The following CNTN1 variants were observed in gnomAD, a reference collection of about 807,000 sequenced individuals.
CNTN1 encodes the protein contactin 1, also known as contactin-1.
A neutral mutation model predicts 126.4 loss-of-function variants in CNTN1; 38 were observed. The observed-to-expected ratio is 0.30, with a 90% CI of 0.23 to 0.39. The LOEUF (loss-of-function observed/expected upper bound fraction) is 0.39, where lower values mean the gene tolerates loss of function less well. Among genes scored for constraint, CNTN1 ranks in the 10% least tolerant of loss-of-function variants. The probability of loss-of-function intolerance (pLI) is 1.00; values close to 1 mark genes in which losing one functional copy is unlikely to be tolerated. For synonymous variants in CNTN1, 413 were observed against 422.6 expected (o/e 0.98, Z 0.28); for missense variants, 1,009 against 1,248.4 (o/e 0.81, Z 2.89).
At chr12:40,885,504 G>A (rs1181000482) in intron 1 of CNTN1, among the ~76,000 whole-genome samples, 3 of 151,924 alleles carry the variant, frequency 2.0e-5, no homozygotes, top group Non-Finnish European at 2.9e-5. Flanking sequence ...ATCCCAACAT[G>A]CCTACTAGTT....
intron 1 of CNTN1, among the ~76,000 whole-genome samples, chr12:40,828,561 A>T (rs1398098202): frequency 6.6e-6 from 1 of 152,130 alleles, no homozygotes; most frequent in Non-Finnish European, 1.5e-5. Context: ...CAAACTGGGG[A>T]GGGGCAGCAG....
At position 40,975,229 on chromosome 12, in the gene CNTN1, A is replaced by G. The variant is rs140161954; in HGVS notation, c.1805-5680A>G. Among the ~76,000 whole-genome samples, 270 of 128,560 alleles carry G rather than the reference A, an allele frequency of 2.1e-3. 1 individual carries two copies. Among genetic ancestry groups the G allele is most frequent in the African/African-American group, 7.3e-3 (255 of 34,852 alleles). The allele number at this position is 128,560 out of a possible 152,430, so 84.3% of individuals were successfully genotyped here. A position where few individuals can be genotyped will look rare whatever the true frequency, so the allele number is the denominator to read the frequency against. ...ATATATATATATATATATATGTTTTAGTGGACTCTTAAATGTATGTGATCT... is the reference window on the plus strand; with the variant it reads ...ATATATATATATATATATATGTTTTGGTGGACTCTTAAATGTATGTGATCT... On this transcript the variant is annotated intron_variant, in intron 15 of 23. Coordinates refer to ENST00000551295, the MANE Select transcript of CNTN1 (RefSeq NM_001843.4).
chr12:40,936,684 G>A, intron 9 of CNTN1, 97 bp from the exon 10 acceptor site: 1 of 1,468,476 alleles, frequency 6.8e-7, no homozygotes, highest in Admixed American at 1.7e-5. Flanking sequence ...GATGTATTCT[G>A]CAGAATTAGG....
At chr12:40,757,438 G>A (rs531593699) in intron 1 of CNTN1, among the ~76,000 whole-genome samples, 31 of 152,054 alleles carry the variant, frequency 2.0e-4, no homozygotes, top group Non-Finnish European at 4.0e-4. Context: ...CTTTCCTCAA[G>A]AAACATGAAT....
At chr12:40,734,414 T>TA (rs1325132374) in intron 1 of CNTN1, among the ~76,000 whole-genome samples, 2 of 152,206 alleles carry the variant, frequency 1.3e-5, no homozygotes, top group East Asian at 3.9e-4. Flanking sequence ...TCCTAGGGTT[T>TA]ACCACATAAA....
At chr12:41,035,358 G>A (rs958552686) in intron 23 of CNTN1, among the ~76,000 whole-genome samples, 13 of 151,958 alleles carry the variant, frequency 8.6e-5, no homozygotes, top group Admixed American at 4.6e-4. Context: ...TTTTTTCTAC[G>A]ATAAAATAAA....
intron 15 of CNTN1, among the ~76,000 whole-genome samples, chr12:40,959,454 C>A (rs1407081941): frequency 2.6e-5 from 4 of 152,036 alleles, no homozygotes; most frequent in African/African-American, 9.7e-5. Flanking sequence ...TACGTATCTT[C>A]TAGAAAGTTA....
intron 16 of CNTN1, among the ~76,000 whole-genome samples, chr12:40,984,112 T>G (rs278920): frequency 0.49 from 72,892 of 149,994 alleles, 17,734 homozygotes; most frequent in Admixed American, 0.51. Flanking sequence ...CAGTGAAATA[T>G]ATATAAATAT....
chr12:40,982,968 C>A (rs1356076380), intron 16 of CNTN1, among the ~76,000 whole-genome samples: 3 of 151,248 alleles, frequency 2.0e-5, no homozygotes, highest in African/African-American at 4.9e-5. Flanking sequence ...GGGAGGATAG[C>A]ATTAGGAGAT....
At chr12:40,800,376 G>T (rs1192083703) in intron 1 of CNTN1, among the ~76,000 whole-genome samples, 4 of 151,930 alleles carry the variant, frequency 2.6e-5, no homozygotes, top group African/African-American at 7.3e-5. Context: ...CCAGTCTTGG[G>T]TATTTCTTCG....
At chr12:40,766,547 G>A (rs1939104773) in intron 1 of CNTN1, among the ~76,000 whole-genome samples, 2 of 151,958 alleles carry the variant, frequency 1.3e-5, no homozygotes, top group East Asian at 1.9e-4. Flanking sequence ...AGGTGTTACT[G>A]GCCTTTAAAA....
chr12:40,815,804 A>C (rs2136515011), intron 1 of CNTN1, among the ~76,000 whole-genome samples: 1 of 152,276 alleles, frequency 6.6e-6, no homozygotes, highest in African/African-American at 2.4e-5. Context: ...AATAGCTCTA[A>C]TTATTTTGAG....
chr12:41,025,345 C>T lies in CNTN1; in HGVS notation c.2710+9C>T, dbSNP rs771316659. 4.3e-6 allele frequency: 7 copies of T among 1,612,770 alleles called. No homozygotes were observed. Among genetic ancestry groups the T allele is most frequent in the South Asian group, 1.1e-5 (1 of 91,030 alleles). On this transcript the variant is annotated intron_variant, in intron 21 of 23. Transcript: ENST00000551295. The stretch of plus-strand genomic sequence containing the variant: ...TTTCACCAAGAAAGCACGTGAGTCT[C>T]ACGTTTTGTTTTTAGACTTGTCAAA...
intron 1 of CNTN1, among the ~76,000 whole-genome samples, chr12:40,789,892 C>T (rs969251471): frequency 6.6e-6 from 1 of 151,944 alleles, no homozygotes; most frequent in African/African-American, 2.4e-5. Context: ...TGTATATTTC[C>T]TTGGAAAATA....
chr12:40,844,069 A>ATTTTTTGTTTTTTTT (rs1942397719), intron 1 of CNTN1, among the ~76,000 whole-genome samples: 2 of 84,684 alleles, frequency 2.4e-5, no homozygotes, highest in Non-Finnish European at 4.6e-5. Context: ...TGGCACAATG[A>ATTTTTTGTTTTTTTT]TTTTTTTTTT....
chr12:40,921,930 G>T (rs1266234435), intron 4 of CNTN1, among the ~76,000 whole-genome samples: 1 of 152,060 alleles, frequency 6.6e-6, no homozygotes, highest in South Asian at 2.1e-4. Flanking sequence ...AATCTAACTG[G>T]TGCATAGATG....
At chr12:40,963,456 T>C (rs1052882429) in intron 15 of CNTN1, among the ~76,000 whole-genome samples, 1 of 152,042 alleles carries the variant, frequency 6.6e-6, no homozygotes, top group Non-Finnish European at 1.5e-5. Context: ...CAGGGGTTTG[T>C]ATAATATACC....
chr12:40,922,343 A>T lies in CNTN1; in HGVS notation c.315A>T (p.Lys105Asn), dbSNP rs553916945. Residue 105 changes from lysine (K) to asparagine (N), a missense_variant, in exon 5 of 24, where the codon AAA becomes AAT. Lys to Asn is a moderately conservative substitution (Grantham distance 94, BLOSUM62 0). Coordinates refer to ENST00000551295, the MANE Select transcript of CNTN1 (RefSeq NM_001843.4). Reference sequence around the variant, plus strand: ...ACCTTGTTATCAACAACCCTGACAAACAGAAAGATGCTGGAATATACTACT... The same window carrying T: ...ACCTTGTTATCAACAACCCTGACAATCAGAAAGATGCTGGAATATACTACT... ...GGNLVINNPD[K>N]QKDAGIYYCL... The T allele has an allele frequency of 1.2e-6, 2 of 1,614,068 alleles. No homozygotes were observed. The highest frequency in any genetic ancestry group is 3.3e-5 in the Admixed American group (2 of 60,016).
intron 17 of CNTN1, among the ~76,000 whole-genome samples, chr12:41,005,282 C>T (rs944249598): frequency 2.6e-5 from 4 of 152,158 alleles, no homozygotes; most frequent in Non-Finnish European, 4.4e-5. Context: ...GCTTGTAGGG[C>T]TTCTGCTGAA....
Sources: allele counts gnomAD v4.1 joint callset (sites outside exome capture counted in the v4.1 genomes callset), GRCh38; gene constraint gnomAD v4.1.1; transcripts MANE v1.5; gene names NCBI Gene and HGNC (gene_info 2026-07-23, HGNC 2026-07-21).